SHANK2: variants seen among roughly 807,000 people sequenced by gnomAD.
The protein encoded by SHANK2 is SH3 and multiple ankyrin repeat domains protein 2.
In SHANK2, 43 loss-of-function variants were observed where a neutral mutation model predicts 133.7. The ratio of observed to expected loss-of-function variants is 0.32; its 90% CI spans 0.25 to 0.41. The LOEUF (loss-of-function observed/expected upper bound fraction) is 0.41, where lower values mean the gene tolerates loss of function less well. Among genes scored for constraint, SHANK2 ranks in the 10% least tolerant of loss-of-function variants. The pLI is 1.00. For missense variants in SHANK2, 1,994 were observed against 2,235.8 expected (o/e 0.89, Z 2.18); for synonymous variants, 1,017 against 952.8 (o/e 1.07, Z -1.24).
At chr11:70,491,492 G>A (rs1290194480) in intron 22 of SHANK2, among the ~76,000 whole-genome samples, 2 of 152,220 alleles carry the variant, frequency 1.3e-5, no homozygotes, top group African/African-American at 4.8e-5. Flanking sequence ...TATTGTAACT[G>A]TAATTATTAA....
intron 11 of SHANK2, among the ~76,000 whole-genome samples, chr11:70,851,822 T>C (rs1475153707): frequency 6.6e-6 from 1 of 152,210 alleles, no homozygotes. Flanking sequence ...AGTTGGACCA[T>C]GCGTGGAGGT....
At chr11:70,694,882 C>A (rs1024569091) in intron 15 of SHANK2, among the ~76,000 whole-genome samples, 1 of 152,164 alleles carries the variant, frequency 6.6e-6, no homozygotes, top group Non-Finnish European at 1.5e-5. Flanking sequence ...ACCCTCCATC[C>A]GTGCTGCCCA....
intron 25 of SHANK2, among the ~76,000 whole-genome samples, chr11:70,475,923 A>ACAAT (rs1475628527): frequency 6.6e-6 from 1 of 152,298 alleles, no homozygotes; most frequent in African/African-American, 2.4e-5. Flanking sequence ...CCAGTTACTC[A>ACAAT]CAATCAAGAA....
chr11:70,911,644 G>A (rs782088100), intron 10 of SHANK2, among the ~76,000 whole-genome samples: 1 of 152,130 alleles, frequency 6.6e-6, no homozygotes, highest in African/African-American at 2.4e-5. Flanking sequence ...CAGGACTCAG[G>A]CCAAGAACTG....
At chr11:71,170,476 A>AAT (rs1953292590) in intron 2 of SHANK2, among the ~76,000 whole-genome samples, 1 of 152,260 alleles carries the variant, frequency 6.6e-6, no homozygotes, top group Non-Finnish European at 1.5e-5. Flanking sequence ...ACCAGCTTTC[A>AAT]ATCTCATGAA....
intron 3 of SHANK2, among the ~76,000 whole-genome samples, chr11:71,136,805 C>T (rs1256233308): frequency 2.0e-5 from 3 of 152,168 alleles, no homozygotes; most frequent in Non-Finnish European, 2.9e-5. Context: ...ACCTCCCACA[C>T]CAGGATGGTG....
At chr11:70,907,438 T>G (rs1417391746) in intron 10 of SHANK2, among the ~76,000 whole-genome samples, 1 of 152,212 alleles carries the variant, frequency 6.6e-6, no homozygotes, top group Admixed American at 6.5e-5. Flanking sequence ...GGGAGCCTTC[T>G]AGCACCGATA....
At chr11:71,169,703 A>T (rs1953269464) in intron 2 of SHANK2, among the ~76,000 whole-genome samples, 1 of 148,886 alleles carries the variant, frequency 6.7e-6, no homozygotes, top group African/African-American at 2.5e-5. Context: ...GTGAGCTGAG[A>T]TCGTACCACT....
intron 17 of SHANK2, among the ~76,000 whole-genome samples, chr11:70,552,536 A>C (rs1221330542): frequency 6.6e-6 from 1 of 152,222 alleles, no homozygotes; most frequent in African/African-American, 2.4e-5. Flanking sequence ...CCCAGGCTCT[A>C]ATCTCCAGGC....
chr11:70,582,640 C>T (rs1228012795), intron 17 of SHANK2, among the ~76,000 whole-genome samples: 3 of 152,178 alleles, frequency 2.0e-5, no homozygotes, highest in Admixed American at 6.5e-5. Flanking sequence ...GGCACCCAGT[C>T]GGGTGTGGGG....
chr11:70,785,207 C>T (rs1048979413), intron 14 of SHANK2, among the ~76,000 whole-genome samples: 1 of 152,154 alleles, frequency 6.6e-6, no homozygotes, highest in South Asian at 2.1e-4. Flanking sequence ...CTGCACACCA[C>T]ACAGGACAGA....
chr11:70,839,592 C>T lies in SHANK2; in HGVS notation c.1175-18910G>A, dbSNP rs56308736. On this transcript the variant is annotated intron_variant, in intron 11 of 25. Coordinates refer to ENST00000601538, the MANE Select transcript of SHANK2 (RefSeq NM_012309.5). ...TTCCTTATACCCCATCAGGAAAGGA[C>T]CACAGCCTTGGAGGGGGTTTATTTC... 2.4e-4 allele frequency among the ~76,000 whole-genome samples: 36 copies of T among 152,272 alleles called. No individual in the cohort carries two copies. In the East Asian group the frequency reaches 5.6e-3, roughly 24 times the overall value.
intron 3 of SHANK2, among the ~76,000 whole-genome samples, chr11:71,119,914 C>A (rs1462538424): frequency 1.3e-5 from 2 of 152,130 alleles, no homozygotes; most frequent in African/African-American, 4.8e-5. Context: ...CGGTGGAAGC[C>A]TTGTCTTATA....
intron 6 of SHANK2, among the ~76,000 whole-genome samples, chr11:71,103,426 A>G (rs1291827907): frequency 2.0e-5 from 3 of 152,358 alleles, no homozygotes; most frequent in African/African-American, 7.2e-5. Context: ...AAACCAGGGC[A>G]GTCCCGGGAA....
intron 7 of SHANK2, among the ~76,000 whole-genome samples, 192 bp downstream of exon 7, chr11:71,094,345 G>T (rs1193052470): frequency 1.3e-5 from 2 of 152,122 alleles, no homozygotes; most frequent in Non-Finnish European, 2.9e-5. Flanking sequence ...TCGACAACCA[G>T]GAGAGAGAAC....
chr11:70,486,020 C>G lies in SHANK2; in HGVS notation c.4273G>C (p.Asp1425His). Residue 1425 changes from aspartate (D) to histidine (H), a missense_variant, in exon 25 of 26, where the codon GAT becomes CAT. Coordinates refer to ENST00000601538, the MANE Select transcript of SHANK2 (RefSeq NM_012309.5). The surrounding 1 kb of genome is among the most constrained non-coding windows in gnomAD (Gnocchi z 8.0). The stretch of plus-strand genomic sequence containing the variant: ...GCCGGGACAGAAGCTGCCCGGTCAT[C>G]GGGGATATCAAAACTATTTGCAAAT... The part of the protein sequence containing the change: ...LEFANSFDIP[D>H]DRAASVPALS... 2 of 1,614,002 alleles carry G rather than the reference C, an allele frequency of 1.2e-6. No individual in the cohort carries two copies. The highest frequency in any genetic ancestry group is 1.7e-6 in the Non-Finnish European group (2 of 1,180,024).
rs1460557165 is a variant in SHANK2 at position 70,479,262 on chromosome 11, A to G, written c.4980-5823T>C. Among the ~76,000 whole-genome samples, 1 of 152,208 alleles carries G rather than the reference A, an allele frequency of 6.6e-6. No homozygotes were observed. Among genetic ancestry groups the G allele is most frequent in the Non-Finnish European group, 1.5e-5 (1 of 68,038 alleles). On this transcript the variant is annotated intron_variant, in intron 25 of 25. Coordinates refer to ENST00000601538, the MANE Select transcript of SHANK2 (RefSeq NM_012309.5). This position sits in a 1 kb window ranked among gnomAD's most constrained non-coding sequence, Gnocchi z 4.4. ...CACCGTGAGGCAGCTTCTAGTACCA[A>G]GTCAGTTTTGAAGCAGTCTGTGCTC...
At chr11:70,759,527 G>A (rs1185096374) in intron 14 of SHANK2, among the ~76,000 whole-genome samples, 1 of 152,140 alleles carries the variant, frequency 6.6e-6, no homozygotes, top group Non-Finnish European at 1.5e-5. Flanking sequence ...ACCATGATGG[G>A]ACAGGAGGTT....
At position 70,896,460 on chromosome 11, in the gene SHANK2, C is replaced by G. The variant is rs757074362; in HGVS notation, c.1174+41G>C. On this transcript the variant is annotated intron_variant, in intron 11 of 25. Coordinates refer to ENST00000601538, the MANE Select transcript of SHANK2 (RefSeq NM_012309.5). Reference sequence around the variant, plus strand: ...AGTGACTGATTCCTCAGAGCATCTCCAAACCAAATCCCAACACAGTTTCTC... The same window carrying G: ...AGTGACTGATTCCTCAGAGCATCTCGAAACCAAATCCCAACACAGTTTCTC... 4.3e-6 allele frequency: 3 copies of G among 693,902 alleles called. No homozygotes were observed. In the African/African-American group the frequency reaches 5.3e-5, roughly 12 times the overall value. The allele number at this position is 693,902 out of a possible 1,614,324, so 43.0% of individuals were successfully genotyped here.
Sources: gnomAD v4.1 joint callset for allele counts (sites outside exome capture counted in the v4.1 genomes callset) on GRCh38, gnomAD v4.1.1 for gene constraint, Gnocchi (gnomAD v3.1) non-coding constraint, MANE v1.5 for transcripts, NCBI Gene and HGNC (gene_info 2026-07-23, HGNC 2026-07-21) for gene names.